The following NUP133 variants were observed in gnomAD, a reference collection of about 807,000 sequenced individuals.
The protein encoded by NUP133 is nuclear pore complex protein Nup133.
In NUP133, 66 loss-of-function variants were observed where a neutral mutation model predicts 146.2. The ratio of observed to expected loss-of-function variants is 0.45; its 90% CI spans 0.37 to 0.55. The LOEUF (loss-of-function observed/expected upper bound fraction) is 0.55. Ranked by LOEUF, NUP133 falls within the 20% of genes least tolerant of loss-of-function variation. NUP133 has a pLI of 0.00. For synonymous variants in NUP133, 521 were observed against 498.8 expected (o/e 1.04, Z -0.59); for missense variants, 1,277 against 1,374.8 (o/e 0.93, Z 1.12).
At chr1:229,471,306 A>G (rs537052592) in intron 14 of NUP133, among the ~76,000 whole-genome samples, 5 of 152,168 alleles carry the variant, frequency 3.3e-5, no homozygotes, top group African/African-American at 1.2e-4. Context: ...ATGGGGTCTC[A>G]CTATGTTGCC....
chr1:229,441,620 C>G lies in NUP133; in HGVS notation c.*284G>C, dbSNP rs1007778348. The G allele has an allele frequency of 5.0e-5, 19 of 378,796 alleles. No homozygotes were observed. The highest frequency in any genetic ancestry group is 9.1e-5 in the Non-Finnish European group (18 of 196,990). The allele number at this position is 378,796 out of a possible 1,614,324, so 23.5% of individuals were successfully genotyped here. A position where few individuals can be genotyped will look rare whatever the true frequency, so the allele number is the denominator to read the frequency against. ...ATTTGTACATGTGAGCAGCTAGAAC[C>G]AGGACAAGAACTCCAGAACCTGGGA... On this transcript the variant is annotated 3_prime_UTR_variant, in exon 26 of 26. Coordinates refer to ENST00000261396, the MANE Select transcript of NUP133 (RefSeq NM_018230.3).
Position 229,487,611 on chromosome 1 carries a change from A to G in NUP133, c.1197T>C (p.Ser399=), listed in dbSNP as rs1280703663. The change falls in exon 10 of 26, where the codon TCT becomes TCC. Residue 399 remains serine, a splice_region_variant and synonymous_variant. Coordinates refer to ENST00000261396, the MANE Select transcript of NUP133 (RefSeq NM_018230.3). The part of the protein sequence containing the change: ...EVTQYNPPFQ[S]EDLILCQLTV... Reference sequence around the variant, plus strand: ...TCAACTGACACAAAATCAGGTCTTCAGACTGAAAGTTAAATTTAAGATTAC... The same window carrying G: ...TCAACTGACACAAAATCAGGTCTTCGGACTGAAAGTTAAATTTAAGATTAC... 1.3e-6 allele frequency: 2 copies of G among 1,589,970 alleles called. No homozygotes were observed. Among genetic ancestry groups the G allele is most frequent in the Non-Finnish European group, 1.7e-6 (2 of 1,173,128 alleles).
At chr1:229,505,987 T>C (rs1661925081) in intron 2 of NUP133, 53 bp downstream of exon 2, 1 of 1,027,496 alleles carries the variant, frequency 9.7e-7, no homozygotes, top group Non-Finnish European at 1.5e-6. Context: ...CTATGCCACA[T>C]CTAGGCTCCA....
At chr1:229,502,896 C>T (rs1661841013) in intron 2 of NUP133, among the ~76,000 whole-genome samples, 1 of 151,874 alleles carries the variant, frequency 6.6e-6, no homozygotes, top group South Asian at 2.1e-4. Context: ...GAGATTGAAG[C>T]TGCAGTAAAC....
chr1:229,502,136 A>T, intron 2 of NUP133, 34 bp from the exon 3 acceptor site: 1 of 1,475,840 alleles, frequency 6.8e-7, no homozygotes, highest in South Asian at 1.1e-5. Context: ...GATTAATCTT[A>T]TAGTATAAAT....
chr1:229,464,822 C>A lies in NUP133; in HGVS notation c.2353G>T (p.Val785Phe), dbSNP rs779989487. 7.4e-6 allele frequency: 12 copies of A among 1,614,204 alleles called. No homozygotes were observed. Among genetic ancestry groups the A allele is most frequent in the Admixed American group, 1.7e-5 (1 of 60,018 alleles). The change falls in exon 18 of 26, where the codon GTC becomes TTC. Residue 785 changes from valine (V) to phenylalanine (F), a missense_variant. Around this residue, in one of 3 missense-constraint regions of NUP133, gnomAD observed 952 missense variants for 1,047.0 expected, o/e 0.91. Transcript: ENST00000261396. ...RTVIIRQHEIVLKVAYPQADS... is the reference protein window; with the variant it reads ...RTVIIRQHEIFLKVAYPQADS... Reference sequence around the variant, plus strand: ...GCCTGTGGATAAGCCACCTTCAGGACAATCTCATGCTGGCGTATTATTACC... The same window carrying A: ...GCCTGTGGATAAGCCACCTTCAGGAAAATCTCATGCTGGCGTATTATTACC...
rs200881815 is a variant in NUP133, at chr1:229,506,014, T to C, written c.301+26A>G. Reference sequence around the variant, plus strand: ...TAGGCTCCATTTTAAACTGCTAATATAGGTAAATGGAAAGATGACACCTAC... The same window carrying C: ...TAGGCTCCATTTTAAACTGCTAATACAGGTAAATGGAAAGATGACACCTAC... On this transcript the variant is annotated intron_variant, in intron 2 of 25. Coordinates refer to ENST00000261396, the MANE Select transcript of NUP133 (RefSeq NM_018230.3). 1.6e-4 allele frequency: 214 copies of C among 1,309,876 alleles called. 1 individual carries two copies. In the African/African-American group the frequency reaches 2.7e-3, roughly 17 times the overall value. The allele number at this position is 1,309,876 out of a possible 1,614,324, so 81.1% of individuals were successfully genotyped here.
chr1:229,483,659 C>T (rs145820130), intron 12 of NUP133, among the ~76,000 whole-genome samples: 3,237 of 142,600 alleles, frequency 0.023, 120 homozygotes, highest in African/African-American at 0.081. Context: ...GAGCCAAGAT[C>T]GCGCCACTGC....
At chr1:229,486,349 A>G in intron 11 of NUP133, 22 bp downstream of exon 11, 2 of 1,547,698 alleles carry the variant, frequency 1.3e-6, no homozygotes, top group Non-Finnish European at 1.7e-6. Flanking sequence ...AAAAACTTCA[A>G]ATTCTTATCG....
At chr1:229,477,308 C>T (rs1661100872) in intron 13 of NUP133, among the ~76,000 whole-genome samples, 1 of 151,528 alleles carries the variant, frequency 6.6e-6, no homozygotes, top group South Asian at 2.1e-4. Flanking sequence ...GCCATGGTGG[C>T]GGGCACCTGT....
rs773807257 is a variant in NUP133 at position 229,441,418 on chromosome 1, A to C, written c.*486T>G. The C allele has an allele frequency of 1.9e-6, 1 of 532,566 alleles. No individual in the cohort carries two copies. Among genetic ancestry groups the C allele is most frequent in the Non-Finnish European group, 3.9e-6 (1 of 259,654 alleles). 33.0% of individuals were successfully genotyped at this position (532,566 alleles called of 1,614,324 possible). A position where few individuals can be genotyped will look rare whatever the true frequency, so the allele number is the denominator to read the frequency against. The stretch of plus-strand genomic sequence containing the variant: ...CTCCTTTGGTTTTTCATCTCATAAT[A>C]AGTCAGCAAAAGTTGACATTTATCT... On this transcript the variant is annotated 3_prime_UTR_variant, in exon 26 of 26. Transcript: ENST00000261396.
In NUP133 at chr1:229,489,967, A is replaced by C. The variant is rs535032078; in HGVS notation, c.1182T>G (p.Asn394Lys). ...ATATAAATCTTACCTGAAAAGGTGGATTATATTGAGTGACTTCTACAGTAA... is the reference window on the plus strand; with the variant it reads ...ATATAAATCTTACCTGAAAAGGTGGCTTATATTGAGTGACTTCTACAGTAA... ...DAVTVEVTQY[N>K]PPFQSEDLIL... The change falls in exon 9 of 26, where the codon AAT (asparagine) becomes AAG (lysine). Residue 394 changes from asparagine (N) to lysine (K), a missense_variant. Physicochemically the swap from Asn to Lys is moderately conservative, Grantham distance 94. Around this residue, in one of 3 missense-constraint regions of NUP133, gnomAD observed 952 missense variants for 1,047.0 expected, o/e 0.91. Transcript: ENST00000261396. 6.3e-7 allele frequency: 1 copy of C among 1,596,756 alleles called. No homozygotes were observed. Among genetic ancestry groups the C allele is most frequent in the Admixed American group, 1.8e-5 (1 of 56,892 alleles).
At chr1:229,501,813 T>A (rs191630981) in intron 3 of NUP133, among the ~76,000 whole-genome samples, 186 bp downstream of exon 3, 1 of 152,276 alleles carries the variant, frequency 6.6e-6, no homozygotes, top group Non-Finnish European at 1.5e-5. Flanking sequence ...AGGGGGAAAC[T>A]TTTTTCCCAA....
rs554359011 is a variant in NUP133 at position 229,459,821 on chromosome 1, A to G, written c.2844+790T>C. 5.3e-5 allele frequency among the ~76,000 whole-genome samples: 8 copies of G among 152,350 alleles called. No homozygotes were observed. In the South Asian group the frequency reaches 1.4e-3, roughly 28 times the overall value. The stretch of plus-strand genomic sequence containing the variant: ...CTACTGTGAAAATGCTGCAATGAAC[A>G]TGGGAGTGCAGGTACCTTTTCAACA... On this transcript the variant is annotated intron_variant, in intron 20 of 25. Coordinates refer to ENST00000261396, the MANE Select transcript of NUP133 (RefSeq NM_018230.3).
chr1:229,488,473 T>C (rs1661417744), intron 9 of NUP133, among the ~76,000 whole-genome samples: 1 of 152,190 alleles, frequency 6.6e-6, no homozygotes, highest in Non-Finnish European at 1.5e-5. Flanking sequence ...AAATATTAAA[T>C]GCGAGGTCCT....
intron 11 of NUP133, among the ~76,000 whole-genome samples, chr1:229,485,688 T>C (rs964940315): frequency 8.7e-4 from 133 of 152,284 alleles, no homozygotes; most frequent in Non-Finnish European, 2.5e-4. Flanking sequence ...CAGGAATATA[T>C]GTACATTACT....
At chr1:229,476,167 TA>T in intron 13 of NUP133, among the ~76,000 whole-genome samples, 1 of 151,620 alleles carries the variant, frequency 6.6e-6, no homozygotes, top group African/African-American at 2.4e-5. Flanking sequence ...AACCTTACAA[TA>T]CAGTTGTTTA....
chr1:229,470,460 A>G (rs1660929015), intron 15 of NUP133, 120 bp downstream of exon 15: 2 of 796,884 alleles, frequency 2.5e-6, no homozygotes, highest in African/African-American at 3.4e-5. Context: ...TCTGGAGTCC[A>G]ATTTAAAATT....
intron 14 of NUP133, among the ~76,000 whole-genome samples, chr1:229,472,248 A>G (rs376032453): frequency 2.0e-5 from 3 of 151,124 alleles, no homozygotes; most frequent in African/African-American, 4.9e-5. Context: ...GAACCAGGGA[A>G]GCGGAGCTTG....
Sources: allele counts gnomAD v4.1 joint callset (sites outside exome capture counted in the v4.1 genomes callset), GRCh38; gene constraint gnomAD v4.1.1; regional missense constraint gnomAD v4.1.1; transcripts MANE v1.5; gene names NCBI Gene and HGNC (gene_info 2026-07-23, HGNC 2026-07-21).